The following ADGRL2 variants were observed in gnomAD, a reference collection of about 807,000 sequenced individuals.
ADGRL2 encodes the protein adhesion G protein-coupled receptor L2, also known as calcium-independent alpha-latrotoxin receptor 2.
A neutral mutation model predicts 157.4 loss-of-function variants in ADGRL2; 44 were observed. The ratio of observed to expected loss-of-function variants is 0.28; its 90% confidence interval spans 0.22 to 0.36. The LOEUF (loss-of-function observed/expected upper bound fraction) is 0.36. ADGRL2 is among the 10% of genes least tolerant of loss of function. The pLI, the probability that ADGRL2 is intolerant of heterozygous loss-of-function variation, is 1.00. For synonymous variants in ADGRL2, 585 were observed against 624.7 expected, an observed-to-expected ratio of 0.94 and a Z score of 0.95; for missense variants, 1,510 against 1,768.9, an observed-to-expected ratio of 0.85 and a Z score of 2.63.
intron 1 of ADGRL2, among the ~76,000 whole-genome samples, chr1:81,376,984 T>C (rs1171573129): frequency 6.6e-6 from 1 of 152,126 alleles, no homozygotes; most frequent in Middle Eastern, 3.2e-3. Context: ...TCCAGGAGTT[T>C]TGAGCCCAGA....
At chr1:81,636,710 T>C (rs1213036512) in intron 3 of ADGRL2, among the ~76,000 whole-genome samples, 1 of 152,224 alleles carries the variant, frequency 6.6e-6, no homozygotes, top group Admixed American at 6.5e-5. Flanking sequence ...CAAATAAGAC[T>C]GGAAACAGTA....
Position 81,942,954 on chromosome 1 carries a change from C to A in ADGRL2, c.410-15C>A. 1 of 1,588,846 alleles carries A rather than the reference C, an allele frequency of 6.3e-7. No individual in the cohort carries two copies. Among genetic ancestry groups the A allele is most frequent in the African/African-American group, 1.4e-5 (1 of 73,942 alleles). ...TTAACTTGGCTTAATTTTTGTCTTT[C>A]TCTGTAACTGTTAGTTTTTGTGTGT... On this transcript the variant is annotated splice_polypyrimidine_tract_variant and intron_variant, in intron 5 of 23. Coordinates refer to ENST00000686636, the MANE Select transcript of ADGRL2 (RefSeq NM_001366006.2).
intron 1 of ADGRL2, among the ~76,000 whole-genome samples, chr1:81,811,316 T>TA (rs764156801): frequency 6.6e-6 from 1 of 151,808 alleles, no homozygotes; most frequent in Non-Finnish European, 1.5e-5. Flanking sequence ...AGTCACTTCT[T>TA]ATAAGCCTGT....
intron 2 of ADGRL2, among the ~76,000 whole-genome samples, chr1:81,874,204 T>A (rs1365712713): frequency 6.6e-6 from 1 of 152,140 alleles, no homozygotes; most frequent in East Asian, 1.9e-4. Context: ...AACTTAATTA[T>A]GTGAAATTGT....
intron 1 of ADGRL2, among the ~76,000 whole-genome samples, chr1:81,407,668 T>C (rs77172494): frequency 6.6e-6 from 1 of 152,240 alleles, no homozygotes; most frequent in African/African-American, 2.4e-5. Flanking sequence ...AAAGCATGTA[T>C]AAAGCAGCAT....
At chr1:81,844,770 G>A (rs1361299945) in intron 2 of ADGRL2, among the ~76,000 whole-genome samples, 1 of 152,160 alleles carries the variant, frequency 6.6e-6, no homozygotes, top group Admixed American at 6.6e-5. Flanking sequence ...ATGTAAAGCT[G>A]AGAAGGGAAT....
At chr1:81,732,035 A>G (rs895988522) in intron 1 of ADGRL2, among the ~76,000 whole-genome samples, 6 of 152,192 alleles carry the variant, frequency 3.9e-5, no homozygotes, top group Non-Finnish European at 8.8e-5. Flanking sequence ...TTTTCTCTGT[A>G]ACCTACTTAT....
chr1:81,375,921 A>G (rs1007363098), intron 1 of ADGRL2, among the ~76,000 whole-genome samples: 1 of 152,262 alleles, frequency 6.6e-6, no homozygotes, highest in African/African-American at 2.4e-5. Flanking sequence ...CATTCTGTTA[A>G]TTAGAACAAA....
At chr1:81,614,910 G>C (rs1392801321) in intron 3 of ADGRL2, among the ~76,000 whole-genome samples, 1 of 152,060 alleles carries the variant, frequency 6.6e-6, no homozygotes, top group African/African-American at 2.4e-5. Context: ...CTATTCAGGA[G>C]GCTGAAGCGG....
At chr1:81,592,046 A>G (rs1386028428) in intron 3 of ADGRL2, among the ~76,000 whole-genome samples, 1 of 152,216 alleles carries the variant, frequency 6.6e-6, no homozygotes, top group Non-Finnish European at 1.5e-5. Context: ...GTGACAAAGC[A>G]ATAGATATCT....
At chr1:81,703,017 A>G (rs1270149389) in intron 1 of ADGRL2, among the ~76,000 whole-genome samples, 1 of 152,220 alleles carries the variant, frequency 6.6e-6, no homozygotes, top group African/African-American at 2.4e-5. Context: ...GAAGCACAAC[A>G]CACTGGGGTA....
chr1:81,585,353 T>A (rs1280378352), intron 3 of ADGRL2, among the ~76,000 whole-genome samples: 1 of 152,132 alleles, frequency 6.6e-6, no homozygotes, highest in Admixed American at 6.6e-5. Context: ...TTGGTCTATT[T>A]GGGTTTTTTG....
At chr1:81,371,651 T>C (rs954604311) in intron 1 of ADGRL2, among the ~76,000 whole-genome samples, 12 of 152,328 alleles carry the variant, frequency 7.9e-5, no homozygotes, top group South Asian at 6.2e-4. Flanking sequence ...AGGTGTAGCC[T>C]TAAATCTCTG....
At chr1:81,592,931 G>A (rs377341330) in intron 3 of ADGRL2, among the ~76,000 whole-genome samples, 2 of 152,216 alleles carry the variant, frequency 1.3e-5, no homozygotes, top group Admixed American at 6.5e-5. Flanking sequence ...GAAGTAGCTG[G>A]GTATGGGTAC....
At chr1:81,514,386 A>G (rs1157051959) in intron 2 of ADGRL2, among the ~76,000 whole-genome samples, 2 of 152,194 alleles carry the variant, frequency 1.3e-5, no homozygotes, top group East Asian at 1.9e-4. Context: ...AGTCCAGTGC[A>G]ACTGAAAAGG....
chr1:81,531,497 G>A (rs2079597927), intron 2 of ADGRL2, among the ~76,000 whole-genome samples: 1 of 152,024 alleles, frequency 6.6e-6, no homozygotes, highest in Non-Finnish European at 1.5e-5. Flanking sequence ...TAATAATTAG[G>A]GTGCTGAATA....
chr1:81,645,520 T>C (rs549658166), intron 3 of ADGRL2, among the ~76,000 whole-genome samples: 75 of 152,186 alleles, frequency 4.9e-4, no homozygotes, highest in Middle Eastern at 6.8e-3. Flanking sequence ...GAGGCCATCA[T>C]CATTATCCAG....
At chr1:81,640,674 A>G (rs2082203145) in intron 3 of ADGRL2, among the ~76,000 whole-genome samples, 1 of 151,782 alleles carries the variant, frequency 6.6e-6, no homozygotes, top group Non-Finnish European at 1.5e-5. Context: ...TAAATAAATT[A>G]CAGAAGCCAT....
chr1:81,801,721 G>A (rs1382912906), intron 1 of ADGRL2, among the ~76,000 whole-genome samples: 1 of 152,150 alleles, frequency 6.6e-6, no homozygotes, highest in Admixed American at 6.5e-5. Context: ...TGCTATTCCG[G>A]CCGGGCGCTC....
Sources: allele counts gnomAD v4.1 joint callset (sites outside exome capture counted in the v4.1 genomes callset), GRCh38; gene constraint gnomAD v4.1.1; transcripts MANE v1.5; gene names NCBI Gene and HGNC (gene_info 2026-07-23, HGNC 2026-07-21).